Variants in PKHD1 observed in about 807,000 individuals in gnomAD.
PKHD1 encodes the protein PKHD1 ciliary IPT domain containing fibrocystin/polyductin.
PKHD1 carries 291 observed loss-of-function variants against 412.0 expected under a neutral mutation model. The ratio of observed to expected loss-of-function variants is 0.71; its 90% CI spans 0.64 to 0.78. The LOEUF (loss-of-function observed/expected upper bound fraction) is 0.78. Among genes scored for constraint, PKHD1 ranks in the 30% least tolerant of loss-of-function variants. PKHD1 has a pLI of 0.00. For missense variants in PKHD1, 4,825 were observed against 4,950.7 expected (o/e 0.97, Z 0.76); for synonymous variants, 1,777 against 1,821.5 (o/e 0.98, Z 0.62).
chr6:52,028,184 T>C lies in PKHD1; in HGVS notation c.3532A>G (p.Ile1178Val). 1.2e-6 allele frequency: 2 copies of C among 1,614,248 alleles called. No homozygotes were observed. The highest frequency in any genetic ancestry group is 1.1e-5 in the South Asian group (1 of 91,090). Residue 1178 changes from isoleucine (I) to valine (V), a missense_variant, in exon 30 of 67, where the codon ATC becomes GTC. Coordinates refer to ENST00000371117, the MANE Select transcript of PKHD1 (RefSeq NM_138694.4). ...PAGLHRISVS[I>V]NGVSIHSQGV... The stretch of plus-strand genomic sequence containing the variant: ...TGTGAGTGAATGCTGACCCCATTGA[T>C]AGAGACGGAAATTCTGTGGAGACCA...
At chr6:51,980,704 T>C (rs1191874596) in intron 35 of PKHD1, among the ~76,000 whole-genome samples, 1 of 152,242 alleles carries the variant, frequency 6.6e-6, no homozygotes, top group Non-Finnish European at 1.5e-5. Context: ...AGGTAGCAGT[T>C]GTAGGAATAC....
At chr6:51,773,671 G>T (rs2151144681) in intron 54 of PKHD1, among the ~76,000 whole-genome samples, 1 of 151,212 alleles carries the variant, frequency 6.6e-6, no homozygotes, top group Admixed American at 6.6e-5. Flanking sequence ...GTATTTTATT[G>T]CAAGTCATTA....
intron 16 of PKHD1, among the ~76,000 whole-genome samples, chr6:52,057,933 T>C (rs959353325): frequency 9.9e-5 from 15 of 152,188 alleles, no homozygotes; most frequent in African/African-American, 3.6e-4. Context: ...CTTTTCAAAG[T>C]AGACTTAGAA....
At chr6:51,993,245 G>C (rs551991816) in intron 35 of PKHD1, among the ~76,000 whole-genome samples, 5 of 152,218 alleles carry the variant, frequency 3.3e-5, no homozygotes, top group Admixed American at 2.0e-4. Context: ...TGCCTGCTGG[G>C]TTGGTGATTC....
chr6:52,027,335 C>A (rs1437617112), intron 31 of PKHD1, among the ~76,000 whole-genome samples: 1 of 151,784 alleles, frequency 6.6e-6, no homozygotes, highest in African/African-American at 2.4e-5. Context: ...AGTTCAAGAC[C>A]AGCCTGGCCA....
At chr6:51,782,583 G>A (rs561669858) in intron 53 of PKHD1, among the ~76,000 whole-genome samples, 53 of 152,166 alleles carry the variant, frequency 3.5e-4, no homozygotes, top group Middle Eastern at 3.4e-3. Flanking sequence ...TCAAACAACC[G>A]TTAGTTTGAT....
chr6:51,766,615 A>ATATTTTTATTTTTTTTTT (rs562939539), intron 55 of PKHD1, among the ~76,000 whole-genome samples: 18 of 151,046 alleles, frequency 1.2e-4, no homozygotes, highest in South Asian at 6.2e-4. Context: ...TGGTGTATTC[A>ATATTTTTATTTTTTTTTT]TATTTTTATT....
At chr6:52,012,001 G>A (rs993610272) in intron 34 of PKHD1, among the ~76,000 whole-genome samples, 3 of 152,202 alleles carry the variant, frequency 2.0e-5, no homozygotes, top group Non-Finnish European at 4.4e-5. Context: ...TCTCAGAGCT[G>A]CAGCTTTCTG....
At chr6:51,903,531 C>A in intron 43 of PKHD1, 66 bp downstream of exon 43, 1 of 1,455,888 alleles carries the variant, frequency 6.9e-7, no homozygotes, top group African/African-American at 1.4e-5. Context: ...GGTTGGACAC[C>A]CCTGATTGAG....
chr6:51,765,091 C>G (rs1429421845), intron 55 of PKHD1, among the ~76,000 whole-genome samples: 1 of 152,022 alleles, frequency 6.6e-6, no homozygotes, highest in African/African-American at 2.4e-5. Context: ...CAAACCTATT[C>G]CCCTCTCAGT....
chr6:52,003,645 C>T (rs1479912034), intron 35 of PKHD1, among the ~76,000 whole-genome samples: 2 of 152,168 alleles, frequency 1.3e-5, no homozygotes, highest in East Asian at 3.8e-4. Flanking sequence ...TCAAACTCTT[C>T]CTTCACCTGG....
chr6:52,071,132 CTT>C (rs1446047446), intron 8 of PKHD1, 62 bp from the exon 9 acceptor site: 14 of 1,140,448 alleles, frequency 1.2e-5, no homozygotes, highest in Non-Finnish European at 9.4e-6. Context: ...AGATCTGACT[CTT>C]TAACCAGGAA....
chr6:52,047,677 A>G lies in PKHD1; in HGVS notation c.2407+815T>C, dbSNP rs1806079360. The stretch of plus-strand genomic sequence containing the variant: ...CTCTGACGGACCATGGCTACCATGT[A>G]TCTTGGTCTATAAAACTCTAGAAAG... On this transcript the variant is annotated intron_variant, in intron 23 of 66. Coordinates refer to ENST00000371117, the MANE Select transcript of PKHD1 (RefSeq NM_138694.4). Among the ~76,000 whole-genome samples the G allele has an allele frequency of 2.0e-5, 3 of 152,272 alleles. No homozygotes were observed. In the South Asian group the frequency reaches 6.2e-4, roughly 32 times the overall value.
intron 60 of PKHD1, among the ~76,000 whole-genome samples, chr6:51,670,109 T>C (rs1774655031): frequency 7.2e-6 from 1 of 139,694 alleles, no homozygotes; most frequent in South Asian, 2.6e-4. Context: ...CCTTGTTGAC[T>C]TTCTGTCTCG....
rs1239021550 is a variant in PKHD1, at chr6:51,791,525, C to G, written c.8303-152G>C. The G allele has an allele frequency of 2.7e-5, 19 of 706,492 alleles. No individual in the cohort carries two copies. The East Asian group carries it at 5.1e-4, about 19-fold the overall frequency. The allele number at this position is 706,492 out of a possible 1,614,324, so 43.8% of individuals were successfully genotyped here. On this transcript the variant is annotated intron_variant, in intron 52 of 66. Coordinates refer to ENST00000371117, the MANE Select transcript of PKHD1 (RefSeq NM_138694.4). The stretch of plus-strand genomic sequence containing the variant: ...GGAAGAACAAATAGTCTGCCAAAAG[C>G]TAGGACTTACTGAACAGGAAAATAA...
Position 51,619,348 on chromosome 6 carries a change from A to T in PKHD1, c.11958T>A (p.Ala3986=), listed in dbSNP as rs1766324047. ...TSHGHICAPG[A]PAQQVYLQET... Reference sequence around the variant, plus strand: ...CTTGCAGGTACACCTGCTGAGCAGGAGCACCTGGAGCACAGATGTGCCCAT... The same window carrying T: ...CTTGCAGGTACACCTGCTGAGCAGGTGCACCTGGAGCACAGATGTGCCCAT... The change falls in exon 67 of 67, where the codon GCT becomes GCA. Residue 3986 remains alanine (A), a synonymous_variant. Transcript: ENST00000371117. 6.2e-7 allele frequency: 1 copy of T among 1,614,200 alleles called. No homozygotes were observed. The highest frequency in any genetic ancestry group is 1.7e-5 in the Admixed American group (1 of 60,032).
chr6:51,922,778 T>A (rs997556231), intron 37 of PKHD1, among the ~76,000 whole-genome samples: 1 of 152,254 alleles, frequency 6.6e-6, no homozygotes, highest in South Asian at 2.1e-4. Flanking sequence ...TGGTGTGCCA[T>A]TTTCTAAGAC....
At chr6:52,022,422 C>G (rs761975195) in intron 33 of PKHD1, among the ~76,000 whole-genome samples, 10 of 152,184 alleles carry the variant, frequency 6.6e-5, no homozygotes, top group Non-Finnish European at 1.2e-4. Flanking sequence ...AAGCAGATGT[C>G]TTCAGCAACC....
intron 55 of PKHD1, among the ~76,000 whole-genome samples, chr6:51,756,574 A>C (rs1787046350): frequency 6.6e-6 from 1 of 152,170 alleles, no homozygotes; most frequent in African/African-American, 2.4e-5. Context: ...GCACTGAATT[A>C]CAAGAAATTT....
Sources: gnomAD v4.1 joint callset for allele counts (sites outside exome capture counted in the v4.1 genomes callset) on GRCh38, gnomAD v4.1.1 for gene constraint, MANE v1.5 for transcripts, NCBI Gene and HGNC (gene_info 2026-07-23, HGNC 2026-07-21) for gene names.